Variants in CCDC33 observed in about 807,000 individuals in gnomAD.
CCDC33 encodes the protein coiled-coil domain containing 33.
Under a neutral mutation model 91.9 loss-of-function variants are expected in CCDC33, and 94 were observed. That is an observed-to-expected ratio of 1.02 (90% confidence interval 0.87 to 1.21). The LOEUF is 1.21. Among genes scored for constraint, CCDC33 ranks in the 50% most tolerant of loss-of-function variants. The pLI is 0.00. For missense variants in CCDC33, 940 were observed against 935.5 expected (o/e 1.00, Z -0.06); for synonymous variants, 396 against 374.5 (o/e 1.06, Z -0.66).
chr15:74,296,692 C>G (rs1011020683), intron 11 of CCDC33, among the ~76,000 whole-genome samples: 5 of 152,182 alleles, frequency 3.3e-5, no homozygotes, highest in Non-Finnish European at 7.3e-5. Context: ...TGTCCTTGAT[C>G]ATGGGAGCTG....
intron 11 of CCDC33, chr15:74,318,769 T>G: frequency 1.5e-6 from 1 of 661,770 alleles, no homozygotes; most frequent in Non-Finnish European, 2.7e-6. Flanking sequence ...CAGAGCCTCT[T>G]AAGTGGGAGG....
intron 11 of CCDC33, among the ~76,000 whole-genome samples, chr15:74,308,250 ACT>A (rs1030686932): frequency 6.6e-6 from 1 of 151,274 alleles, no homozygotes; most frequent in Non-Finnish European, 1.5e-5. Flanking sequence ...TAGCTTGGTG[ACT>A]CTATCAGGGT....
intron 11 of CCDC33, chr15:74,318,595 G>A: frequency 2.7e-6 from 2 of 734,896 alleles, no homozygotes; most frequent in East Asian, 2.7e-5. Context: ...TAAAGATGGG[G>A]GAGCCAGGGC....
At position 74,257,466 on chromosome 15, in the gene CCDC33, C is replaced by A. The variant is rs2075902411; in HGVS notation, c.186-4974C>A. 3.9e-5 allele frequency among the ~76,000 whole-genome samples: 6 copies of A among 152,348 alleles called. No homozygotes were observed. The South Asian group carries it at 1.2e-3, about 32-fold the overall frequency. On this transcript the variant is annotated intron_variant, in intron 2 of 18. Coordinates refer to ENST00000398814, the MANE Select transcript of CCDC33 (RefSeq NM_025055.5). Reference sequence around the variant, plus strand: ...TCCCTGGGCACAACCCCCTGCCCAGCAATCCCAGGGGAGCTTGGCTAAGGC... The same window carrying A: ...TCCCTGGGCACAACCCCCTGCCCAGAAATCCCAGGGGAGCTTGGCTAAGGC...
chr15:74,233,264 C>T (rs1476108969), upstream of CCDC33, among the ~76,000 whole-genome samples: 1 of 152,200 alleles, frequency 6.6e-6, no homozygotes, highest in Non-Finnish European at 1.5e-5. Flanking sequence ...AGGGCAAGTC[C>T]CTGCCCCTCC....
chr15:74,319,298 T>C (rs2060159279), intron 11 of CCDC33, among the ~76,000 whole-genome samples: 1 of 152,186 alleles, frequency 6.6e-6, no homozygotes, highest in African/African-American at 2.4e-5. Flanking sequence ...TCGACAGCTG[T>C]GGGCAGAGGC....
At chr15:74,281,699 G>C in intron 9 of CCDC33, 79 bp from the exon 10 acceptor site, 1 of 1,291,866 alleles carries the variant, frequency 7.7e-7, no homozygotes, top group Non-Finnish European at 1.1e-6. Flanking sequence ...ACCTTCCAGA[G>C]AAATCTAGAA....
chr15:74,215,363 C>T (rs567740591), upstream of CCDC33, among the ~76,000 whole-genome samples: 1 of 152,122 alleles, frequency 6.6e-6, no homozygotes, highest in Admixed American at 6.6e-5. Context: ...ATGGTGGTTG[C>T]CAGGAGCTGG....
intron 11 of CCDC33, among the ~76,000 whole-genome samples, chr15:74,306,496 A>G (rs1388377185): frequency 6.6e-6 from 1 of 152,316 alleles, no homozygotes; most frequent in East Asian, 1.9e-4. Flanking sequence ...TGTTCCTGCA[A>G]GAGGAATCTG....
chr15:74,230,398 A>C (rs1024885719), intron 2 of CCDC33, among the ~76,000 whole-genome samples: 2 of 152,156 alleles, frequency 1.3e-5, no homozygotes, highest in African/African-American at 2.4e-5. Flanking sequence ...AGGCAGCTTC[A>C]TTGCTCACTC....
chr15:74,313,408 T>C (rs1304296112), intron 11 of CCDC33, among the ~76,000 whole-genome samples: 1 of 118,284 alleles, frequency 8.5e-6, no homozygotes, highest in Non-Finnish European at 1.8e-5. Flanking sequence ...TCTTTCTTTC[T>C]TTCTTTCTTT....
intron 11 of CCDC33, among the ~76,000 whole-genome samples, chr15:74,321,761 C>T (rs2060211816): frequency 6.6e-6 from 1 of 152,206 alleles, no homozygotes; most frequent in Admixed American, 6.5e-5. Context: ...AGAGAGACCT[C>T]TCTGACATTC....
intron 11 of CCDC33, among the ~76,000 whole-genome samples, chr15:74,329,221 T>C (rs967309598): frequency 2.6e-5 from 4 of 152,166 alleles, no homozygotes; most frequent in African/African-American, 9.7e-5. Flanking sequence ...GATTGGGGAT[T>C]GCACTGATCA....
chr15:74,327,709 A>G (rs2060337704), intron 11 of CCDC33, among the ~76,000 whole-genome samples: 1 of 152,182 alleles, frequency 6.6e-6, no homozygotes, highest in Non-Finnish European at 1.5e-5. Context: ...GGGTCTTAGA[A>G]AAAATGACCC....
At chr15:74,298,685 A>G (rs1454185319) in intron 11 of CCDC33, among the ~76,000 whole-genome samples, 1 of 141,914 alleles carries the variant, frequency 7.0e-6, no homozygotes, top group African/African-American at 2.6e-5. Flanking sequence ...GATTACAGGC[A>G]TTCGACACCC....
intron 10 of CCDC33, among the ~76,000 whole-genome samples, chr15:74,294,767 A>G (rs3943206): frequency 6.6e-6 from 1 of 152,134 alleles, no homozygotes; most frequent in African/African-American, 2.4e-5. Flanking sequence ...AAAAGAAAAA[A>G]AAATAGCAGG....
chr15:74,282,655 G>T (rs1219871837), intron 10 of CCDC33, among the ~76,000 whole-genome samples: 1 of 152,180 alleles, frequency 6.6e-6, no homozygotes, highest in Non-Finnish European at 1.5e-5. Flanking sequence ...CATATTCACG[G>T]GTTCCAAGAA....
intron 11 of CCDC33, chr15:74,318,779 G>A (rs1029356044): frequency 1.5e-6 from 1 of 655,316 alleles, no homozygotes; most frequent in Non-Finnish European, 2.8e-6. Context: ...TAAGTGGGAG[G>A]CAGGGTGGAG....
upstream of CCDC33, among the ~76,000 whole-genome samples, chr15:74,214,087 T>A (rs780862388): frequency 1.7e-4 from 25 of 151,270 alleles, no homozygotes; most frequent in Non-Finnish European, 3.1e-4. Flanking sequence ...TGGAGGTGGA[T>A]CGTTGAAGAT....
Sources: gnomAD v4.1 joint callset for allele counts (sites outside exome capture counted in the v4.1 genomes callset) on GRCh38, gnomAD v4.1.1 for gene constraint, MANE v1.5 for transcripts, NCBI Gene and HGNC (gene_info 2026-07-23, HGNC 2026-07-21) for gene names.